The following ANO3 variants were observed in gnomAD, a reference collection of about 807,000 sequenced individuals.
The protein encoded by ANO3 is anoctamin-3.
A neutral mutation model predicts 144.8 loss-of-function variants in ANO3; 99 were observed. The observed-to-expected ratio is 0.68, with a 90% CI of 0.58 to 0.81. ANO3 has a LOEUF of 0.81. Among genes scored for constraint, ANO3 ranks in the 30% least tolerant of loss-of-function variants. ANO3 has a pLI of 0.00. For missense variants in ANO3, 905 were observed against 1,202.2 expected (o/e 0.75, Z 3.66); for synonymous variants, 414 against 392.6 (o/e 1.05, Z -0.64).
At chr11:26,323,551 T>G (rs1854811988) in intron 1 of ANO3, among the ~76,000 whole-genome samples, 2 of 152,106 alleles carry the variant, frequency 1.3e-5, no homozygotes, top group Admixed American at 1.3e-4. Flanking sequence ...TGGTCCTTGT[T>G]TAAGAATTTA....
intron 1 of ANO3, among the ~76,000 whole-genome samples, chr11:26,204,774 A>G (rs1019461628): frequency 2.0e-5 from 3 of 152,154 alleles, no homozygotes; most frequent in African/African-American, 4.8e-5. Flanking sequence ...ATTATCTGAT[A>G]GCTGCAATGA....
intron 1 of ANO3, chr11:26,208,343 C>G: frequency 6.6e-6 from 1 of 152,284 alleles, no homozygotes; most frequent in Non-Finnish European, 1.5e-5. Flanking sequence ...CACCCCATCT[C>G]TACCAAAAAA....
chr11:26,232,435 GA>G (rs959653663), intron 1 of ANO3, among the ~76,000 whole-genome samples: 48 of 149,990 alleles, frequency 3.2e-4, no homozygotes, highest in South Asian at 8.4e-4. Flanking sequence ...ACAGGTTCAT[GA>G]AAAAAAAATG....
intron 12 of ANO3, among the ~76,000 whole-genome samples, chr11:26,548,661 A>T (rs928501484): frequency 2.6e-5 from 4 of 152,034 alleles, no homozygotes; most frequent in Non-Finnish European, 4.4e-5. Context: ...CTATTCAATA[A>T]CCAAGTTGCT....
chr11:26,477,857 T>C (rs1035600702), intron 4 of ANO3, among the ~76,000 whole-genome samples: 4 of 152,184 alleles, frequency 2.6e-5, no homozygotes, highest in African/African-American at 4.8e-5. Context: ...ATTTTACTTA[T>C]AAGGATTTGT....
rs1257785719 is a variant in ANO3, at chr11:26,292,332, A to G, written c.155-17313A>G. ...CATCTAATCTTTTTTCAAGGTTTTT[A>G]GCTTCTTTGTAATGAGTTCCAACAT... On this transcript the variant is annotated intron_variant, in intron 1 of 27. Coordinates refer to the ANO3 transcript ENST00000672621. Among the ~76,000 whole-genome samples the G allele has an allele frequency of 2.0e-5, 3 of 152,066 alleles. No homozygotes were observed. The South Asian group carries it at 6.2e-4, about 31-fold the overall frequency.
intron 1 of ANO3, among the ~76,000 whole-genome samples, chr11:26,340,288 A>G (rs556566920): frequency 2.0e-5 from 3 of 152,292 alleles, no homozygotes; most frequent in Admixed American, 2.0e-4. Flanking sequence ...GCTTTGGAAC[A>G]CTAACTAACA....
chr11:26,225,320 T>C (rs993627945), intron 1 of ANO3, among the ~76,000 whole-genome samples: 5 of 152,216 alleles, frequency 3.3e-5, no homozygotes, highest in African/African-American at 1.2e-4. Flanking sequence ...AATATAATAT[T>C]AAGTATAAAA....
intron 1 of ANO3, among the ~76,000 whole-genome samples, chr11:26,431,932 C>T (rs567248884): frequency 3.3e-5 from 5 of 152,184 alleles, no homozygotes; most frequent in Admixed American, 1.3e-4. Context: ...ATAATGAGAT[C>T]GCTGGTTTGA....
At position 26,497,025 on chromosome 11, in the gene ANO3, GACACAC is replaced by G. The variant is rs10597733; in HGVS notation, c.433-11062_433-11057del. ...ACACAGACACACACACATATATACA[GACACAC>G]ACACACACACACACACTACATTTTC... is the stretch of plus-strand genomic sequence containing the variant. On this transcript the variant is annotated intron_variant, in intron 4 of 26. Transcript: ENST00000256737. 6.8e-4 allele frequency among the ~76,000 whole-genome samples: 97 copies of G among 142,970 alleles called. 1 individual carries two copies. Among genetic ancestry groups the G allele is most frequent in the African/African-American group, 1.4e-3 (54 of 38,572 alleles). 93.8% of individuals were successfully genotyped at this position (142,970 alleles called of 152,430 possible). A position where few individuals can be genotyped will look rare whatever the true frequency, so the allele number is the denominator to read the frequency against.
intron 3 of ANO3, among the ~76,000 whole-genome samples, chr11:26,461,129 A>G (rs1225449625): frequency 2.0e-5 from 3 of 152,068 alleles, no homozygotes; most frequent in Admixed American, 6.6e-5. Context: ...AGCGAGCGCG[A>G]GAGTGCCTAC....
chr11:26,559,802 T>G (rs1006461065), intron 14 of ANO3, 23 bp downstream of exon 14: 27 of 1,529,904 alleles, frequency 1.8e-5, no homozygotes, highest in Non-Finnish European at 2.4e-5. Flanking sequence ...TTCATTACTT[T>G]CTATCCCTTA....
chr11:26,611,241 G>A (rs544195021), intron 17 of ANO3, among the ~76,000 whole-genome samples: 1 of 151,958 alleles, frequency 6.6e-6, no homozygotes, highest in Admixed American at 6.6e-5. Flanking sequence ...TATTGTTTAG[G>A]CATTTATTTC....
chr11:26,298,482 T>C (rs1483871206), intron 1 of ANO3, among the ~76,000 whole-genome samples: 1 of 152,242 alleles, frequency 6.6e-6, no homozygotes, highest in Non-Finnish European at 1.5e-5. Flanking sequence ...GTGTTTTCAA[T>C]ATTTGCAATG....
intron 1 of ANO3, among the ~76,000 whole-genome samples, chr11:26,374,213 A>G (rs998284424): frequency 6.6e-5 from 10 of 152,168 alleles, no homozygotes; most frequent in African/African-American, 2.4e-4. Flanking sequence ...TTTCTTTCTC[A>G]TTTCTATTGT....
chr11:26,404,933 A>ATG (rs56103536), intron 1 of ANO3, among the ~76,000 whole-genome samples: 9,614 of 145,654 alleles, frequency 0.066, 303 homozygotes, highest in Non-Finnish European at 0.07. Context: ...ATTTATATAT[A>ATG]TGTGTGTGTG....
chr11:26,378,419 T>C (rs200165264), intron 1 of ANO3, among the ~76,000 whole-genome samples: 38 of 144,758 alleles, frequency 2.6e-4, no homozygotes, highest in East Asian at 2.4e-3. Context: ...TATATATTAT[T>C]TATCTATCTA....
intron 14 of ANO3, among the ~76,000 whole-genome samples, chr11:26,589,292 G>A (rs1174665744): frequency 7.1e-6 from 1 of 140,386 alleles, no homozygotes; most frequent in Non-Finnish European, 1.7e-5. Flanking sequence ...AGAGGGCTTT[G>A]TAAATGTCAT....
chr11:26,449,331 C>G (rs984497203), intron 3 of ANO3, among the ~76,000 whole-genome samples: 1 of 152,168 alleles, frequency 6.6e-6, no homozygotes, highest in East Asian at 1.9e-4. Flanking sequence ...TTCCAGAAGA[C>G]AGAAACTGTC....
Sources: allele counts gnomAD v4.1 joint callset (sites outside exome capture counted in the v4.1 genomes callset), GRCh38; gene constraint gnomAD v4.1.1; transcripts MANE v1.5; gene names NCBI Gene and HGNC (gene_info 2026-07-23, HGNC 2026-07-21).